SPATA6: variants seen among roughly 807,000 people sequenced by gnomAD.
The protein encoded by SPATA6 is spermatogenesis-associated protein 6.
In SPATA6, 56 loss-of-function variants were observed where a neutral mutation model predicts 65.3. That is an observed-to-expected ratio of 0.86 (90% confidence interval 0.69 to 1.07). The LOEUF (loss-of-function observed/expected upper bound fraction) is 1.07, where lower values mean the gene tolerates loss of function less well. Ranked by LOEUF, SPATA6 falls within the 50% of genes least tolerant of loss-of-function variation. The probability of loss-of-function intolerance (pLI) is 0.00; values close to 1 mark genes in which losing one functional copy is unlikely to be tolerated. For missense variants in SPATA6, 590 were observed against 594.8 expected, an observed-to-expected ratio of 0.99 and a Z score of 0.08; for synonymous variants, 199 against 213.2, an observed-to-expected ratio of 0.93 and a Z score of 0.58.
intron 5 of SPATA6, among the ~76,000 whole-genome samples, chr1:48,408,929 G>A (rs1454444116): frequency 6.6e-6 from 1 of 152,120 alleles, no homozygotes; most frequent in Non-Finnish European, 1.5e-5. Flanking sequence ...GATGAGATCT[G>A]GGTAGGGACC....
At chr1:48,433,479 T>G (rs989762357) in intron 3 of SPATA6, among the ~76,000 whole-genome samples, 1 of 152,070 alleles carries the variant, frequency 6.6e-6, no homozygotes, top group Non-Finnish European at 1.5e-5. Context: ...TAATTTTCCT[T>G]CTTCTTCTGT....
intron 3 of SPATA6, among the ~76,000 whole-genome samples, chr1:48,448,260 C>CA (rs56675907): frequency 0.24 from 28,659 of 119,510 alleles, 2,992 homozygotes; most frequent in Admixed American, 0.33. Context: ...GATCCTGTCT[C>CA]AAAAAAAAAA....
the SPATA6 span, among the ~76,000 whole-genome samples, chr1:48,268,108 G>A: frequency 6.6e-6 from 1 of 151,928 alleles, no homozygotes; most frequent in African/African-American, 2.4e-5. Context: ...GGGTGGTCTT[G>A]GAAAATGCGA....
chr1:48,290,034 C>T, the SPATA6 span, among the ~76,000 whole-genome samples: 204 of 152,234 alleles, frequency 1.3e-3, no homozygotes, highest in African/African-American at 4.6e-3. Context: ...AGAGCGACTA[C>T]AAGACACATA....
At chr1:48,354,192 G>C (rs1189482117) in intron 11 of SPATA6, among the ~76,000 whole-genome samples, 1 of 151,994 alleles carries the variant, frequency 6.6e-6, no homozygotes, top group Non-Finnish European at 1.5e-5. Flanking sequence ...AGAAAACACA[G>C]AGAAGCACAG....
chr1:48,387,710 C>A (rs140767682), intron 8 of SPATA6, among the ~76,000 whole-genome samples: 365 of 152,292 alleles, frequency 2.4e-3, no homozygotes, highest in Middle Eastern at 0.017. Flanking sequence ...CAGAAGACTG[C>A]CCAGCCCAGT....
At chr1:48,291,871 G>A (rs2148623479), downstream of SPATA6, among the ~76,000 whole-genome samples, 1 of 152,290 alleles carries the variant, frequency 6.6e-6, no homozygotes, top group Middle Eastern at 3.4e-3. Context: ...AGTTAGCCCT[G>A]CCTCCTAGCC....
chr1:48,414,222 C>G (rs1652546891), intron 3 of SPATA6, among the ~76,000 whole-genome samples: 1 of 152,156 alleles, frequency 6.6e-6, no homozygotes, highest in African/African-American at 2.4e-5. Flanking sequence ...AGTTTTACTT[C>G]CAGGAGTTCT....
chr1:48,442,677 AAG>A (rs1655613436), intron 3 of SPATA6, among the ~76,000 whole-genome samples: 1 of 149,308 alleles, frequency 6.7e-6, no homozygotes. Flanking sequence ...GAAAGAGAGA[AAG>A]AGAAAGACAA....
At chr1:48,279,811 T>C in the SPATA6 span, among the ~76,000 whole-genome samples, 1 of 152,162 alleles carries the variant, frequency 6.6e-6, no homozygotes, top group African/African-American at 2.4e-5. Flanking sequence ...GGAATTGAAG[T>C]CAGCTCTGCA....
intron 1 of SPATA6, among the ~76,000 whole-genome samples, chr1:48,458,505 C>T (rs960929033): frequency 3.3e-5 from 5 of 152,124 alleles, no homozygotes; most frequent in Non-Finnish European, 5.9e-5. Flanking sequence ...CTTCTTTTCC[C>T]AGAGGCAACC....
At chr1:48,459,824 G>GA (rs1302713939) in intron 1 of SPATA6, among the ~76,000 whole-genome samples, 3 of 151,912 alleles carry the variant, frequency 2.0e-5, no homozygotes, top group Middle Eastern at 3.4e-3. Context: ...GAAAATATCT[G>GA]AAAAAAATAC....
intron 7 of SPATA6, 76 bp from the exon 8 acceptor site, chr1:48,395,430 CTACTA>C: frequency 2.0e-6 from 2 of 1,006,884 alleles, no homozygotes; most frequent in Admixed American, 6.8e-5. Context: ...ACCAGAAAAA[CTACTA>C]GAGTACAGAG....
the SPATA6 span, among the ~76,000 whole-genome samples, chr1:48,285,307 T>C: frequency 2.0e-5 from 3 of 152,184 alleles, no homozygotes; most frequent in South Asian, 6.2e-4. Flanking sequence ...CCAGGTTGAC[T>C]TCAGACTGCT....
intron 11 of SPATA6, among the ~76,000 whole-genome samples, chr1:48,311,811 T>C (rs1000604039): frequency 1.3e-5 from 2 of 152,208 alleles, no homozygotes; most frequent in African/African-American, 4.8e-5. Context: ...GGGAATTCCC[T>C]TTCCTAGCCA....
intron 11 of SPATA6, among the ~76,000 whole-genome samples, chr1:48,311,927 C>G (rs749729393): frequency 6.6e-6 from 1 of 152,190 alleles, no homozygotes; most frequent in African/African-American, 2.4e-5. Context: ...TTGTATCCCG[C>G]GATTGGCTTG....
chr1:48,368,434 A>C (rs1647107242), intron 9 of SPATA6, among the ~76,000 whole-genome samples: 1 of 152,196 alleles, frequency 6.6e-6, no homozygotes, highest in Non-Finnish European at 1.5e-5. Context: ...AGGTACACCA[A>C]TCAGACGTAG....
intron 11 of SPATA6, chr1:48,325,155 C>T: frequency 3.5e-6 from 2 of 578,062 alleles, no homozygotes; most frequent in Non-Finnish European, 6.3e-6. Flanking sequence ...GGTTCATTTA[C>T]AGTTTCAGGG....
intron 9 of SPATA6, among the ~76,000 whole-genome samples, chr1:48,378,073 A>C (rs970320011): frequency 3.3e-5 from 5 of 152,226 alleles, no homozygotes; most frequent in Admixed American, 2.6e-4. Context: ...GATCGAAAGT[A>C]TCCTCAATTT....
Sources: allele counts gnomAD v4.1 joint callset (sites outside exome capture counted in the v4.1 genomes callset), GRCh38; gene constraint gnomAD v4.1.1; transcripts MANE v1.5; gene names NCBI Gene and HGNC (gene_info 2026-07-23, HGNC 2026-07-21).